PIP5KL1: variants seen among roughly 807,000 people sequenced by gnomAD.
PIP5KL1 encodes the protein phosphatidylinositol-4-phosphate 5-kinase like 1, also known as phosphatidylinositol 4-phosphate 5-kinase-like protein 1.
A neutral mutation model predicts 47.6 loss-of-function variants in PIP5KL1; 45 were observed. The observed-to-expected ratio is 0.94, with a 90% CI of 0.74 to 1.21. The LOEUF (loss-of-function observed/expected upper bound fraction) is 1.21, where lower values mean the gene tolerates loss of function less well. Ranked by LOEUF, PIP5KL1 falls within the 50% of genes most tolerant of loss-of-function variation. The probability of loss-of-function intolerance (pLI) is 0.00; values close to 1 mark genes in which losing one functional copy is unlikely to be tolerated. For synonymous variants in PIP5KL1, 256 were observed against 234.6 expected (o/e 1.09, Z -0.84); for missense variants, 577 against 547.6 (o/e 1.05, Z -0.54).
At chr9:127,926,903 AG>A (rs1564137933) in intron 7 of PIP5KL1, among the ~76,000 whole-genome samples, 1 of 152,170 alleles carries the variant, frequency 6.6e-6, no homozygotes, top group African/African-American at 2.4e-5. Context: ...TCTAGGAAGG[AG>A]GATAAGAGCT....
rs569289275 is a variant in PIP5KL1, at chr9:127,921,670, C to T, written c.*177G>A. 4.9e-5 allele frequency: 42 copies of T among 860,440 alleles called. No homozygotes were observed. In the South Asian group the frequency reaches 7.0e-4, roughly 14 times the overall value. The allele number at this position is 860,440 out of a possible 1,614,324, so 53.3% of individuals were successfully genotyped here. ...AGCTAAAGTAGGGGAGTCCTTGGCACGATGCTGGGCACGGCACCACCGTCA... is the reference window on the plus strand; with the variant it reads ...AGCTAAAGTAGGGGAGTCCTTGGCATGATGCTGGGCACGGCACCACCGTCA... On this transcript the variant is annotated 3_prime_UTR_variant, in exon 10 of 10. Coordinates refer to ENST00000388747, the MANE Select transcript of PIP5KL1 (RefSeq NM_001135219.2).
chr9:127,923,644 C>T (rs1445535924), intron 9 of PIP5KL1, among the ~76,000 whole-genome samples: 1 of 152,230 alleles, frequency 6.6e-6, no homozygotes, highest in Non-Finnish European at 1.5e-5. Flanking sequence ...CCAAATTCTA[C>T]CCAAGTCTCA....
chr9:127,926,782 G>A (rs1444602448), intron 7 of PIP5KL1, among the ~76,000 whole-genome samples: 1 of 152,184 alleles, frequency 6.6e-6, no homozygotes, highest in African/African-American at 2.4e-5. Flanking sequence ...GGGAACCTGT[G>A]GGTAGAGTCA....
At position 127,922,043 on chromosome 9, in the gene PIP5KL1, T is replaced by C. The variant is rs921755845; in HGVS notation, c.989A>G (p.Asn330Ser). The change falls in exon 10 of 10, where the codon AAC becomes AGC. Residue 330 changes from asparagine to serine, a missense_variant. Transcript: ENST00000388747. ...QNRRLLPDAP[N>S]ALHILDGPEQ... ...GGGCCCGTCCAGGATGTGTAGGGCG[T>C]TGGGGGCGTCGGGCAGCAGCCGGCG... 1.2e-5 allele frequency: 19 copies of C among 1,569,036 alleles called. No individual in the cohort carries two copies. Among genetic ancestry groups the C allele is most frequent in the African/African-American group, 2.7e-5 (2 of 73,454 alleles).
intron 9 of PIP5KL1, 58 bp from the exon 10 acceptor site, chr9:127,922,172 G>C (rs1831293128): frequency 8.3e-6 from 12 of 1,444,632 alleles, no homozygotes; most frequent in Non-Finnish European, 1.1e-5. Flanking sequence ...CAGCCAGTCG[G>C]CTCTGCAAGC....
Position 127,927,656 on chromosome 9 carries a change from C to T in PIP5KL1, c.551G>A (p.Arg184Gln), listed in dbSNP as rs1831382818. ...CGCCCCCAGCCAAGTACCCAGCAACCGCGCCAGCAGCGAGTGCGGGTGCCG... is the reference window on the plus strand; with the variant it reads ...CGCCCCCAGCCAAGTACCCAGCAACTGCGCCAGCAGCGAGTGCGGGTGCCG... ...LQRHPHSLLA[R>Q]LLGVHSLRVD... Residue 184 changes from arginine (R) to glutamine (Q), a missense_variant, in exon 5 of 10, where the codon CGG becomes CAG. Coordinates refer to ENST00000388747, the MANE Select transcript of PIP5KL1 (RefSeq NM_001135219.2). This position sits in a 1 kb window ranked among gnomAD's most constrained non-coding sequence, Gnocchi z 5.5. The T allele has an allele frequency of 3.3e-6, 5 of 1,537,638 alleles. No individual in the cohort carries two copies. The highest frequency in any genetic ancestry group is 4.4e-6 in the Non-Finnish European group (5 of 1,145,688).
chr9:127,925,318 C>T lies in PIP5KL1; in HGVS notation c.764-58G>A. The T allele has an allele frequency of 2.5e-6, 4 of 1,580,800 alleles. No individual in the cohort carries two copies. In the East Asian group the frequency reaches 6.7e-5, roughly 27 times the overall value. On this transcript the variant is annotated intron_variant, in intron 8 of 9. Transcript: ENST00000388747. ...TCATCATGTGCCAGCCACGGTGCTC[C>T]ACACACTCTGCCCCGTGACAGCATG...
Position 127,929,830 on chromosome 9 carries a change from C to A in PIP5KL1, c.86G>T (p.Gly29Val). The A allele has an allele frequency of 6.5e-7, 1 of 1,547,938 alleles. No homozygotes were observed. Among genetic ancestry groups the A allele is most frequent in the Non-Finnish European group, 8.7e-7 (1 of 1,146,820 alleles). ...GCRAVTSSRR[G>V]LLWRLRDKQS... ...CTTGTCTCGGAGGCGCCAGAGAAGC[C>A]CCCGCCGGCTGGAGGTGACTGCTCT... The change falls in exon 2 of 10, where the codon GGG (glycine) becomes GTG (valine). Residue 29 changes from glycine (G) to valine (V), a missense_variant. By Grantham distance (109) the Gly-to-Val change is moderately radical. Coordinates refer to ENST00000388747, the MANE Select transcript of PIP5KL1 (RefSeq NM_001135219.2). The surrounding 1 kb of genome is among the most constrained non-coding windows in gnomAD (Gnocchi z 4.0).
chr9:127,925,793 G>A lies in PIP5KL1; in HGVS notation c.763+74C>T, dbSNP rs1013625691. The A allele has an allele frequency of 5.5e-6, 7 of 1,281,448 alleles. No homozygotes were observed. In the East Asian group the frequency reaches 1.6e-4, roughly 30 times the overall value. The allele number at this position is 1,281,448 out of a possible 1,614,324, so 79.4% of individuals were successfully genotyped here. ...CTGGGCTCTTAATAACTCAGGCAGA[G>A]GGCAGCAGGGACACCCTTCTAAACT... On this transcript the variant is annotated intron_variant, in intron 8 of 9. Coordinates refer to ENST00000388747, the MANE Select transcript of PIP5KL1 (RefSeq NM_001135219.2).
In PIP5KL1 at chr9:127,929,774, G is replaced by T; in HGVS notation, c.142C>A (p.Pro48Thr). The T allele has an allele frequency of 6.4e-7, 1 of 1,567,726 alleles. No homozygotes were observed. Among genetic ancestry groups the T allele is most frequent in the Non-Finnish European group, 8.6e-7 (1 of 1,156,290 alleles). ...QSRLGLFEIS[P>T]GHELHGMTCM... The stretch of plus-strand genomic sequence containing the variant: ...GTCATCCCATGCAGTTCATGCCCCG[G>T]GCTGATCTCAAACAGGCCCAGGCGA... The change falls in exon 2 of 10, where the codon CCG (proline) becomes ACG (threonine). Residue 48 changes from proline (P) to threonine (T), a missense_variant. Pro to Thr is a conservative substitution (Grantham distance 38). Coordinates refer to ENST00000388747, the MANE Select transcript of PIP5KL1 (RefSeq NM_001135219.2). This position sits in a 1 kb window ranked among gnomAD's most constrained non-coding sequence, Gnocchi z 4.0.
chr9:127,921,990 C>T lies in PIP5KL1; in HGVS notation c.1042G>A (p.Asp348Asn). The T allele has an allele frequency of 6.3e-7, 1 of 1,577,152 alleles. No homozygotes were observed. The highest frequency in any genetic ancestry group is 8.6e-7 in the Non-Finnish European group (1 of 1,162,542). Residue 348 changes from aspartate to asparagine, a missense_variant, in exon 10 of 10, where the codon GAT (aspartate) becomes AAT (asparagine). Asp to Asn is a conservative substitution (Grantham distance 23, BLOSUM62 1). Transcript: ENST00000388747. ...PEQRYFLGVV[D>N]LATVYGLRKR... ...CGGAGCCCGTAGACTGTGGCGAGAT[C>T]CACGACGCCCAGGAAATAGCGCTGC...
chr9:127,922,239 G>T (rs1404765152), intron 9 of PIP5KL1, 125 bp from the exon 10 acceptor site: 3 of 1,222,990 alleles, frequency 2.5e-6, no homozygotes, highest in Non-Finnish European at 3.3e-6. Context: ...GTGTGCCCAG[G>T]TTTGTGAAGT....
intron 9 of PIP5KL1, 102 bp downstream of exon 9, chr9:127,925,005 G>A (rs1201432269): frequency 1.4e-6 from 2 of 1,466,646 alleles, no homozygotes; most frequent in Admixed American, 1.9e-5. Flanking sequence ...CAGCCTTCAT[G>A]TCTTTGGCTG....
chr9:127,928,451 G>A lies in PIP5KL1; in HGVS notation c.261C>T (p.Val87=). Reference sequence around the variant, plus strand: ...CTCCTACCTCGTGAACCTGGGTTAGGACCTCCGAGAAATCGTCCCGGGAGG... The same window carrying A: ...CTCCTACCTCGTGAACCTGGGTTAGAACCTCCGAGAAATCGTCCCGGGAGG... ...GPPSRDDFSE[V]LTQVHEGFEL... is the part of the protein sequence containing the mutation. The change falls in exon 3 of 10, where the codon GTC becomes GTT. Residue 87 remains valine (V), a synonymous_variant. Coordinates refer to ENST00000388747, the MANE Select transcript of PIP5KL1 (RefSeq NM_001135219.2). 6.2e-7 allele frequency: 1 copy of A among 1,600,610 alleles called. No homozygotes were observed. The highest frequency in any genetic ancestry group is 1.1e-5 in the South Asian group (1 of 87,948).
intron 1 of PIP5KL1, among the ~76,000 whole-genome samples, chr9:127,930,338 A>G (rs1406238592): frequency 6.6e-6 from 1 of 152,166 alleles, no homozygotes; most frequent in Admixed American, 6.5e-5. Context: ...AGTCACATCT[A>G]TTCCATTCGC....
In PIP5KL1 at chr9:127,927,556, G is replaced by A. The variant is rs1831381356; in HGVS notation, c.559+92C>T. The A allele has an allele frequency of 3.4e-6, 3 of 879,330 alleles. No individual in the cohort carries two copies. The highest frequency in any genetic ancestry group is 3.9e-6 in the Non-Finnish European group (3 of 763,566). The allele number at this position is 879,330 out of a possible 1,614,324, so 54.5% of individuals were successfully genotyped here. ...CCCCATGCCCTACAACCCCAAATCC[G>A]CCCATTTGGGCCCCGCCCACATACC... is the stretch of plus-strand genomic sequence containing the variant. On this transcript the variant is annotated intron_variant, in intron 5 of 9. Transcript: ENST00000388747. This position sits in a 1 kb window ranked among gnomAD's most constrained non-coding sequence, Gnocchi z 5.5.
chr9:127,927,249 C>G lies in PIP5KL1; in HGVS notation c.595-41G>C. The G allele has an allele frequency of 5.6e-6, 9 of 1,611,432 alleles. No homozygotes were observed. Among genetic ancestry groups the G allele is most frequent in the Non-Finnish European group, 7.6e-6 (9 of 1,179,336 alleles). On this transcript the variant is annotated intron_variant, in intron 6 of 9. Transcript: ENST00000388747. This position sits in a 1 kb window ranked among gnomAD's most constrained non-coding sequence, Gnocchi z 5.5. ...GGGAGTGAGGGAGGCCGGCTGTCGC[C>G]CTCCAGCCGCCCGCTCCGCCCAGCC...
chr9:127,925,282 C>T (rs776265509), intron 8 of PIP5KL1, 22 bp from the exon 9 acceptor site: 1 of 1,607,666 alleles, frequency 6.2e-7, no homozygotes, highest in Non-Finnish European at 8.5e-7. Flanking sequence ...TCAGTGCCCC[C>T]ACCTGAGCGC....
In PIP5KL1 at chr9:127,926,368, CA is replaced by C. The variant is rs1318957270; in HGVS notation, c.651-390del. ...ACCTCCTGGGCTCAGGCAATCCTCC[CA>C]CCTTAACCTCCCAAGTAGCTGGGAC... On this transcript the variant is annotated intron_variant, in intron 7 of 9. Transcript: ENST00000388747. Among the ~76,000 whole-genome samples, 7 of 152,040 alleles carry C rather than the reference CA, an allele frequency of 4.6e-5. No individual in the cohort carries two copies. The East Asian group carries it at 1.4e-3, about 29-fold the overall frequency.
Sources: gnomAD v4.1 joint callset for allele counts (sites outside exome capture counted in the v4.1 genomes callset) on GRCh38, gnomAD v4.1.1 for gene constraint, Gnocchi (gnomAD v3.1) non-coding constraint, MANE v1.5 for transcripts, NCBI Gene and HGNC (gene_info 2026-07-23, HGNC 2026-07-21) for gene names.